Variants in RNF17 observed in about 807,000 individuals in gnomAD.
The protein encoded by RNF17 is spermatogenesis associated 23.
A neutral mutation model predicts 200.5 loss-of-function variants in RNF17; 31 were observed. That is an observed-to-expected ratio of 0.15 (90% confidence interval 0.12 to 0.21). The LOEUF (loss-of-function observed/expected upper bound fraction) is 0.21, where lower values mean the gene tolerates loss of function less well. RNF17 is among the 10% of genes least tolerant of loss of function. The probability of loss-of-function intolerance (pLI) is 1.00; values close to 1 mark genes in which losing one functional copy is unlikely to be tolerated. For synonymous variants in RNF17, 606 were observed against 637.8 expected (o/e 0.95, Z 0.75); for missense variants, 1,628 against 1,905.1 (o/e 0.85, Z 2.71).
At chr13:24,758,990 G>T in the RNF17 span, among the ~76,000 whole-genome samples, 1 of 141,462 alleles carries the variant, frequency 7.1e-6, no homozygotes, top group Non-Finnish European at 1.5e-5. Flanking sequence ...TGAGCCAGGG[G>T]AATCACTTGA....
chr13:24,764,354 C>A (rs748307130), intron 1 of RNF17, 21 bp downstream of exon 1: 2 of 1,567,282 alleles, frequency 1.3e-6, no homozygotes, highest in African/African-American at 1.4e-5. Context: ...CAAGGGCCCA[C>A]CTAGCGGGGA....
At chr13:24,776,032 GT>G (rs1156618759) in intron 3 of RNF17, among the ~76,000 whole-genome samples, 2 of 152,252 alleles carry the variant, frequency 1.3e-5, no homozygotes, top group East Asian at 3.9e-4. Context: ...ATTTAATATG[GT>G]AAGTAGACTA....
chr13:24,850,259 G>C (rs961778026), intron 22 of RNF17, 82 bp from the exon 23 acceptor site: 4 of 817,462 alleles, frequency 4.9e-6, no homozygotes, highest in Non-Finnish European at 6.1e-6. Flanking sequence ...GAGTGTATCT[G>C]TGTGTAAATA....
chr13:24,809,463 T>C (rs1886318335), intron 15 of RNF17, among the ~76,000 whole-genome samples: 1 of 152,222 alleles, frequency 6.6e-6, no homozygotes, highest in Non-Finnish European at 1.5e-5. Context: ...TGGTAGTTTG[T>C]ATTTCTGTGG....
chr13:24,764,462 A>G (rs887546558), intron 1 of RNF17, 129 bp downstream of exon 1: 1 of 1,316,002 alleles, frequency 7.6e-7, no homozygotes, highest in Non-Finnish European at 1.0e-6. Flanking sequence ...ACTGCGTCAC[A>G]GGCCTCCCGC....
At chr13:24,834,402 G>A (rs1566197596) in intron 18 of RNF17, among the ~76,000 whole-genome samples, 1 of 146,798 alleles carries the variant, frequency 6.8e-6, no homozygotes, top group South Asian at 2.3e-4. Flanking sequence ...GTGAGAGAGC[G>A]AGACTTCATC....
At position 24,868,698 on chromosome 13, in the gene RNF17, C is replaced by T. The variant is rs779305926; in HGVS notation, c.4260C>T (p.His1420=). The T allele has an allele frequency of 1.9e-5, 29 of 1,551,302 alleles. No homozygotes were observed. The East Asian group carries it at 2.7e-4, about 14-fold the overall frequency. The change falls in exon 31 of 36, where the codon CAC becomes CAT. Residue 1420 remains histidine (H), a synonymous_variant. Coordinates refer to ENST00000255324, the MANE Select transcript of RNF17 (RefSeq NM_031277.3). ...PGELYAVQVK[H]VVSPNEVYIC... ...AACTCTATGCTGTTCAAGTTAAGCA[C>T]GTTGTCTCACCTAATGAAGTATGTG... is the stretch of plus-strand genomic sequence containing the variant.
At chr13:24,867,836 G>A (rs989078385) in intron 30 of RNF17, among the ~76,000 whole-genome samples, 3 of 151,380 alleles carry the variant, frequency 2.0e-5, no homozygotes, top group Admixed American at 2.0e-4. Flanking sequence ...CCTTTTTGAT[G>A]ATTTTAACTT....
rs573785696 is a variant in RNF17 at position 24,877,692 on chromosome 13, G to A, written c.4773+506G>A. Among the ~76,000 whole-genome samples, 34 of 151,148 alleles carry A rather than the reference G, an allele frequency of 2.2e-4. No individual in the cohort carries two copies. In the South Asian group the frequency reaches 7.1e-3, roughly 31 times the overall value. On this transcript the variant is annotated intron_variant, in intron 34 of 35. Coordinates refer to ENST00000255324, the MANE Select transcript of RNF17 (RefSeq NM_031277.3). Reference sequence around the variant, plus strand: ...GTGGCATTTCACCTGCATCCTAAAAGAAGAGTGGGAAAGAAAGAATGGTAG... The same window carrying A: ...GTGGCATTTCACCTGCATCCTAAAAAAAGAGTGGGAAAGAAAGAATGGTAG...
chr13:24,885,403 T>C, the RNF17 span: 1 of 1,558,424 alleles, frequency 6.4e-7, no homozygotes, highest in South Asian at 1.1e-5. Context: ...GCACAACACA[T>C]TTCAAGCAGC....
chr13:24,846,535 T>C (rs961315558), intron 22 of RNF17, among the ~76,000 whole-genome samples: 2 of 152,186 alleles, frequency 1.3e-5, no homozygotes, highest in Non-Finnish European at 2.9e-5. Context: ...GCAGATCGTT[T>C]GTTATTGCTT....
chr13:24,883,229 C>T (rs775936765), downstream of RNF17: 55 of 1,613,910 alleles, frequency 3.4e-5, no homozygotes, highest in Admixed American at 2.0e-4. Context: ...AACTCTTATC[C>T]GACCGGATCT....
intron 31 of RNF17, among the ~76,000 whole-genome samples, chr13:24,869,934 A>ATTTTTTTTTT (rs34196797): frequency 1.2e-5 from 1 of 83,756 alleles, no homozygotes; most frequent in Non-Finnish European, 2.2e-5. Flanking sequence ...TGCCCAGCTA[A>ATTTTTTTTTT]TTTTTTTTTT....
intron 15 of RNF17, among the ~76,000 whole-genome samples, chr13:24,820,159 C>G (rs1181883150): frequency 7.4e-6 from 1 of 134,892 alleles, no homozygotes; most frequent in African/African-American, 2.8e-5. Flanking sequence ...GTCTTGCTCT[C>G]TTGCCCAGGC....
At chr13:24,818,932 A>G (rs905488991) in intron 15 of RNF17, among the ~76,000 whole-genome samples, 1 of 152,042 alleles carries the variant, frequency 6.6e-6, no homozygotes, top group African/African-American at 2.4e-5. Context: ...TGTTTTCTGT[A>G]TCTTATCACA....
chr13:24,764,888 G>GGGGGTGTGTGT (rs899352115), intron 1 of RNF17, among the ~76,000 whole-genome samples: 1 of 134,092 alleles, frequency 7.5e-6, no homozygotes, highest in Non-Finnish European at 1.6e-5. Flanking sequence ...CACCTTGTGG[G>GGGGGTGTGTGT]GTGTGTGTGT....
chr13:24,812,243 C>T (rs938658723), intron 15 of RNF17, among the ~76,000 whole-genome samples: 7 of 151,682 alleles, frequency 4.6e-5, no homozygotes, highest in African/African-American at 9.6e-5. Context: ...CCCCCAGCCT[C>T]GCTGCCGCCT....
chr13:24,883,941 T>C (rs542793674), downstream of RNF17: 92 of 1,614,076 alleles, frequency 5.7e-5, 1 homozygote, highest in Middle Eastern at 6.6e-4. Flanking sequence ...GTGGTTTTTC[T>C]GTGAACATAA....
chr13:24,852,680 A>G (rs995370213), intron 24 of RNF17, among the ~76,000 whole-genome samples: 3 of 152,192 alleles, frequency 2.0e-5, no homozygotes, highest in Non-Finnish European at 4.4e-5. Flanking sequence ...GGGCTTTGGC[A>G]TACAGCTAAT....
Sources: allele counts gnomAD v4.1 joint callset (sites outside exome capture counted in the v4.1 genomes callset), GRCh38; gene constraint gnomAD v4.1.1; transcripts MANE v1.5; gene names NCBI Gene and HGNC (gene_info 2026-07-23, HGNC 2026-07-21).